The following PTCHD4 variants were observed in gnomAD, a reference collection of about 807,000 sequenced individuals.
PTCHD4 encodes the protein patched domain containing 4.
A neutral mutation model predicts 58.1 loss-of-function variants in PTCHD4; 33 were observed. The ratio of observed to expected loss-of-function variants is 0.57; its 90% CI spans 0.43 to 0.76. PTCHD4 has a LOEUF of 0.76. PTCHD4 is among the 30% of genes least tolerant of loss of function. The probability of loss-of-function intolerance (pLI) is 0.00; values close to 1 mark genes in which losing one functional copy is unlikely to be tolerated. For synonymous variants in PTCHD4, 478 were observed against 409.6 expected (o/e 1.17, Z -2.02); for missense variants, 1,058 against 1,027.1 (o/e 1.03, Z -0.41).
At chr6:47,953,293 A>G (rs1328091124) in intron 4 of PTCHD4, among the ~76,000 whole-genome samples, 1 of 152,124 alleles carries the variant, frequency 6.6e-6, no homozygotes, top group Non-Finnish European at 1.5e-5. Flanking sequence ...AATGGTCTGA[A>G]TTTTTTAAAA....
intron 4 of PTCHD4, among the ~76,000 whole-genome samples, chr6:47,894,852 C>A (rs982415561): frequency 6.6e-6 from 1 of 152,214 alleles, no homozygotes. Flanking sequence ...ATAATAAGGG[C>A]TGGGTGTGGT....
chr6:48,064,286 T>C (rs1464941861), intron 3 of PTCHD4, among the ~76,000 whole-genome samples: 3 of 152,172 alleles, frequency 2.0e-5, no homozygotes, highest in Admixed American at 6.5e-5. Context: ...ATGAGAATTG[T>C]TGCTTTCATG....
intron 4 of PTCHD4, among the ~76,000 whole-genome samples, chr6:47,914,686 C>G (rs1366305654): frequency 5.0e-5 from 6 of 119,086 alleles, no homozygotes; most frequent in Admixed American, 9.9e-5. Flanking sequence ...ACCTATCTAT[C>G]TATCTATCTG....
At chr6:48,022,810 A>G (rs1366639260) in intron 3 of PTCHD4, among the ~76,000 whole-genome samples, 1 of 152,140 alleles carries the variant, frequency 6.6e-6, no homozygotes, top group Non-Finnish European at 1.5e-5. Context: ...AATTAACTCA[A>G]AAGCAAAGTG....
At chr6:47,892,387 C>A (rs1026424825) in intron 4 of PTCHD4, among the ~76,000 whole-genome samples, 1 of 152,144 alleles carries the variant, frequency 6.6e-6, no homozygotes, top group African/African-American at 2.4e-5. Flanking sequence ...AAAATTAATT[C>A]TTTCATTTGA....
At position 47,863,378 on chromosome 6, in the gene PTCHD4, A is replaced by G. The variant is rs1294965552; in HGVS notation, c.*14925T>C. On this transcript the variant is annotated 3_prime_UTR_variant, in exon 5 of 5. Transcript: ENST00000339488. ...TTCATTAGCTACATGCTACACTTGC[A>G]TATCCCACATGAAAAATAGTACTTT... Among the ~76,000 whole-genome samples the G allele has an allele frequency of 6.6e-6, 1 of 151,928 alleles. No individual in the cohort carries two copies. Among genetic ancestry groups the G allele is most frequent in the Non-Finnish European group, 1.5e-5 (1 of 67,908 alleles).
In PTCHD4 at chr6:48,069,223, T is replaced by G. The variant is rs2113881981; in HGVS notation, c.-266A>C. Among the ~76,000 whole-genome samples the G allele has an allele frequency of 6.6e-6, 1 of 151,874 alleles. No individual in the cohort carries two copies. The highest frequency in any genetic ancestry group is 1.9e-4 in the East Asian group (1 of 5,132). Reference sequence around the variant, plus strand: ...GGGGGGCAGATAAGCTTTTTTCTTTTTTTAAGATGCTGACAGTTATTTTTA... The same window carrying G: ...GGGGGGCAGATAAGCTTTTTTCTTTGTTTAAGATGCTGACAGTTATTTTTA... On this transcript the variant is annotated 5_prime_UTR_variant, in exon 2 of 5. Coordinates refer to ENST00000339488, the MANE Select transcript of PTCHD4 (RefSeq NM_001384253.1).
chr6:47,964,051 A>G (rs1767197294), intron 4 of PTCHD4, among the ~76,000 whole-genome samples: 1 of 152,206 alleles, frequency 6.6e-6, no homozygotes, highest in Non-Finnish European at 1.5e-5. Flanking sequence ...ATGCTGTTGT[A>G]TGAAGATAAA....
At position 47,864,315 on chromosome 6, in the gene PTCHD4, T is replaced by TACACAC. The variant is rs57323341; in HGVS notation, c.*13982_*13987dup. On this transcript the variant is annotated 3_prime_UTR_variant, in exon 5 of 5. Transcript: ENST00000339488. The stretch of plus-strand genomic sequence containing the variant: ...GCCCATTATTTTTGAGATATATATA[T>TACACAC]ACACACACACACACATATATATATA... 1.7e-4 allele frequency among the ~76,000 whole-genome samples: 25 copies of TACACAC among 148,876 alleles called. No individual in the cohort carries two copies. The highest frequency in any genetic ancestry group is 1.3e-3 in the South Asian group (6 of 4,652).
chr6:47,880,745 G>C (rs865882185), intron 4 of PTCHD4, among the ~76,000 whole-genome samples: 2 of 152,140 alleles, frequency 1.3e-5, no homozygotes, highest in African/African-American at 2.4e-5. Context: ...TAGGCAAAAG[G>C]CTTAGTCAAC....
chr6:47,953,735 T>C (rs563480666), intron 4 of PTCHD4, among the ~76,000 whole-genome samples: 1 of 152,280 alleles, frequency 6.6e-6, no homozygotes, highest in African/African-American at 2.4e-5. Flanking sequence ...CTGAGGACTA[T>C]GAAATAATTT....
chr6:47,866,077 C>A lies in PTCHD4; in HGVS notation c.*12226G>T, dbSNP rs1162540512. Among the ~76,000 whole-genome samples, 1 of 151,894 alleles carries A rather than the reference C, an allele frequency of 6.6e-6. No individual in the cohort carries two copies. On this transcript the variant is annotated 3_prime_UTR_variant, in exon 5 of 5. Transcript: ENST00000339488. ...TGCAACACACTCATACCAGGTTTGG[C>A]TCTACTAGAAATCATCTCTCTACCC... is the stretch of plus-strand genomic sequence containing the variant.
At chr6:48,058,911 T>C (rs1275928249) in intron 3 of PTCHD4, among the ~76,000 whole-genome samples, 3 of 152,154 alleles carry the variant, frequency 2.0e-5, no homozygotes, top group Non-Finnish European at 4.4e-5. Flanking sequence ...TAATGAGGAC[T>C]ACCAAAAATA....
chr6:48,003,802 G>C (rs78551724), intron 4 of PTCHD4, among the ~76,000 whole-genome samples: 8,966 of 152,122 alleles, frequency 0.059, 348 homozygotes, highest in African/African-American at 0.1. Context: ...ATCAGACTCT[G>C]ATCCAGACAT....
intron 3 of PTCHD4, among the ~76,000 whole-genome samples, chr6:48,024,143 G>A (rs1314971507): frequency 6.6e-6 from 1 of 152,114 alleles, no homozygotes; most frequent in African/African-American, 2.4e-5. Flanking sequence ...CACCCTGTCT[G>A]TTATTTTGTA....
rs1359867103 is a variant in PTCHD4, at chr6:47,864,619, C to G, written c.*13684G>C. 2.6e-5 allele frequency among the ~76,000 whole-genome samples: 4 copies of G among 151,904 alleles called. No homozygotes were observed. The highest frequency in any genetic ancestry group is 4.4e-5 in the Non-Finnish European group (3 of 67,894). The stretch of plus-strand genomic sequence containing the variant: ...TTGCATGGCACTGTGGCTCCAAGTT[C>G]CAACTCTTTTACATTTTCTCAAGTT... On this transcript the variant is annotated 3_prime_UTR_variant, in exon 5 of 5. Transcript: ENST00000339488.
chr6:48,031,746 A>T (rs1203148586), intron 3 of PTCHD4, among the ~76,000 whole-genome samples: 1 of 152,178 alleles, frequency 6.6e-6, no homozygotes, highest in Non-Finnish European at 1.5e-5. Flanking sequence ...ATGGGAAAAT[A>T]TATTAAGCAG....
intron 4 of PTCHD4, among the ~76,000 whole-genome samples, chr6:47,967,358 C>CT (rs1421909686): frequency 6.6e-6 from 1 of 152,150 alleles, no homozygotes; most frequent in African/African-American, 2.4e-5. Flanking sequence ...GTTATCCAGG[C>CT]TTTGTTGTTA....
intron 4 of PTCHD4, among the ~76,000 whole-genome samples, chr6:47,889,514 T>C (rs1764311646): frequency 1.3e-5 from 2 of 152,144 alleles, no homozygotes; most frequent in South Asian, 4.2e-4. Context: ...TGTTTTTTTC[T>C]TGTAAATTTG....
Sources: allele counts gnomAD v4.1 joint callset (sites outside exome capture counted in the v4.1 genomes callset), GRCh38; gene constraint gnomAD v4.1.1; transcripts MANE v1.5; gene names NCBI Gene and HGNC (gene_info 2026-07-23, HGNC 2026-07-21).